GPC5: variants seen among roughly 807,000 people sequenced by gnomAD.
The protein encoded by GPC5 is glypican 5.
A neutral mutation model predicts 53.9 loss-of-function variants in GPC5; 47 were observed. That is an observed-to-expected ratio of 0.87 (90% CI 0.69 to 1.11). GPC5 has a LOEUF of 1.11. Ranked by LOEUF, GPC5 falls within the 50% of genes most tolerant of loss-of-function variation. GPC5 has a pLI of 0.00. For missense variants in GPC5, 748 were observed against 713.1 expected (o/e 1.05, Z -0.56); for synonymous variants, 286 against 263.3 (o/e 1.09, Z -0.84).
At chr13:92,047,203 G>A (rs560970724) in intron 6 of GPC5, among the ~76,000 whole-genome samples, 3 of 152,148 alleles carry the variant, frequency 2.0e-5, no homozygotes, top group East Asian at 1.9e-4. Context: ...CTACATTTAC[G>A]GCAAGATGGT....
At chr13:92,292,599 G>A (rs9523606) in intron 7 of GPC5, among the ~76,000 whole-genome samples, 12,971 of 151,970 alleles carry the variant, frequency 0.085, 600 homozygotes, top group Middle Eastern at 0.12. Flanking sequence ...GATTGTGAAG[G>A]TTTTTTTCCC....
rs183559383 is a variant in GPC5 at position 92,789,641 on chromosome 13, A to G, written c.1562-76641A>G. Among the ~76,000 whole-genome samples the G allele has an allele frequency of 2.4e-3, 368 of 152,292 alleles. 2 individuals carry two copies. The highest frequency in any genetic ancestry group is 8.6e-3 in the African/African-American group (359 of 41,582). On this transcript the variant is annotated intron_variant, in intron 7 of 7. Transcript: ENST00000377067. ...GAGATTAGGTAATTTGCTCAAGCTC[A>G]CACAGCTAGTGGAACAAATAACAAA...
intron 7 of GPC5, among the ~76,000 whole-genome samples, chr13:92,800,272 G>A (rs1409404993): frequency 6.6e-6 from 1 of 151,806 alleles, no homozygotes; most frequent in African/African-American, 2.4e-5. Context: ...GAGATCCCAA[G>A]ATGGGCATAA....
chr13:92,635,979 G>A (rs1353822867), intron 7 of GPC5, among the ~76,000 whole-genome samples: 1 of 152,164 alleles, frequency 6.6e-6, no homozygotes, highest in East Asian at 1.9e-4. Context: ...AATGGCCATG[G>A]CCAATAATGG....
chr13:92,206,425 A>G (rs915527804), intron 7 of GPC5, among the ~76,000 whole-genome samples: 1 of 151,124 alleles, frequency 6.6e-6, no homozygotes, highest in African/African-American at 2.4e-5. Flanking sequence ...TCGGCCTCCC[A>G]AAGTGCTGGG....
In GPC5 at chr13:91,712,402, G is replaced by A. The variant is rs145755613; in HGVS notation, c.1021-16130G>A. Among the ~76,000 whole-genome samples the A allele has an allele frequency of 5.5e-3, 828 of 151,286 alleles. 4 individuals are homozygous for A. Among genetic ancestry groups the A allele is most frequent in the African/African-American group, 0.019 (760 of 41,052 alleles). On this transcript the variant is annotated intron_variant, in intron 3 of 7. Transcript: ENST00000377067. ...TGTGTATATATATGTGTGTGTGTGT[G>A]TATATATATATAATTTGAATATATT... is the stretch of plus-strand genomic sequence containing the variant.
chr13:91,582,449 T>C (rs1378138225), intron 2 of GPC5, among the ~76,000 whole-genome samples: 3 of 151,476 alleles, frequency 2.0e-5, no homozygotes, highest in Admixed American at 1.3e-4. Flanking sequence ...AAAACAGACA[T>C]GAGAACACTT....
At chr13:92,418,741 G>T (rs1490224891) in intron 7 of GPC5, among the ~76,000 whole-genome samples, 1 of 152,134 alleles carries the variant, frequency 6.6e-6, no homozygotes. Flanking sequence ...AAATTAGACA[G>T]ATCAAAATTA....
intron 7 of GPC5, among the ~76,000 whole-genome samples, chr13:92,499,286 T>G (rs1450735224): frequency 1.3e-5 from 2 of 152,122 alleles, no homozygotes; most frequent in East Asian, 3.9e-4. Flanking sequence ...ATGATAGAAT[T>G]TCTCCCAAAT....
chr13:91,540,663 A>T (rs2029881667), intron 2 of GPC5, among the ~76,000 whole-genome samples: 1 of 152,240 alleles, frequency 6.6e-6, no homozygotes, highest in Non-Finnish European at 1.5e-5. Flanking sequence ...TGCAGTGTAA[A>T]TAGATGGACT....
chr13:92,466,381 T>TA (rs1202463335), intron 7 of GPC5, among the ~76,000 whole-genome samples: 1 of 151,970 alleles, frequency 6.6e-6, no homozygotes, highest in Non-Finnish European at 1.5e-5. Context: ...GTTAGGTATA[T>TA]AAAATCACAA....
At chr13:92,177,083 A>T (rs769158926) in intron 7 of GPC5, among the ~76,000 whole-genome samples, 6 of 151,800 alleles carry the variant, frequency 4.0e-5, no homozygotes, top group Non-Finnish European at 8.8e-5. Flanking sequence ...GCCTTTTTGG[A>T]TTTTGGATAC....
chr13:91,937,364 T>A (rs1367521322), intron 6 of GPC5, among the ~76,000 whole-genome samples: 1 of 152,100 alleles, frequency 6.6e-6, no homozygotes, highest in Non-Finnish European at 1.5e-5. Flanking sequence ...ATAGGTCTCT[T>A]TTTACGTGAT....
rs537390396 is a variant in GPC5 at position 92,058,400 on chromosome 13, A to T, written c.1402-86430A>T. 6.6e-5 allele frequency among the ~76,000 whole-genome samples: 10 copies of T among 152,274 alleles called. No homozygotes were observed. The South Asian group carries it at 2.1e-3, about 32-fold the overall frequency. On this transcript the variant is annotated intron_variant, in intron 6 of 7. Transcript: ENST00000377067. The stretch of plus-strand genomic sequence containing the variant: ...GAGAGCAAAATTGTGTGGAACATAC[A>T]GAGAGTTTCCATACAGCCCATCCCT...
chr13:91,853,160 A>G (rs989916359), intron 5 of GPC5, among the ~76,000 whole-genome samples: 2 of 152,118 alleles, frequency 1.3e-5, no homozygotes, highest in Admixed American at 1.3e-4. Flanking sequence ...AAATTATAGA[A>G]ATAGTAAGTT....
intron 5 of GPC5, among the ~76,000 whole-genome samples, chr13:91,871,995 G>C (rs999572265): frequency 1.3e-5 from 2 of 152,078 alleles, no homozygotes; most frequent in African/African-American, 4.8e-5. Flanking sequence ...GACAGTTGGT[G>C]ATGGTGAACC....
intron 2 of GPC5, among the ~76,000 whole-genome samples, chr13:91,594,786 C>A (rs554026532): frequency 6.6e-6 from 1 of 152,068 alleles, no homozygotes; most frequent in Non-Finnish European, 1.5e-5. Flanking sequence ...TTGAGCAATC[C>A]TCTCACCTCA....
intron 6 of GPC5, among the ~76,000 whole-genome samples, chr13:91,972,802 T>C (rs2040256848): frequency 6.6e-6 from 1 of 152,212 alleles, no homozygotes; most frequent in Non-Finnish European, 1.5e-5. Context: ...GCCCCCACTC[T>C]CTTCTGGCTT....
chr13:92,810,076 G>A (rs780208255), intron 7 of GPC5, among the ~76,000 whole-genome samples: 11 of 151,950 alleles, frequency 7.2e-5, no homozygotes, highest in Non-Finnish European at 1.0e-4. Context: ...CCCCTTCTAC[G>A]TTAATAAAGC....
Sources: gnomAD v4.1 joint callset for allele counts (sites outside exome capture counted in the v4.1 genomes callset) on GRCh38, gnomAD v4.1.1 for gene constraint, MANE v1.5 for transcripts, NCBI Gene and HGNC (gene_info 2026-07-23, HGNC 2026-07-21) for gene names.